The following JAKMIP1 variants were observed in gnomAD, a reference collection of about 807,000 sequenced individuals.
The protein encoded by JAKMIP1 is janus kinase and microtubule-interacting protein 1.
Under a neutral mutation model 113.0 loss-of-function variants are expected in JAKMIP1, and 33 were observed. The observed-to-expected ratio is 0.29, with a 90% CI of 0.22 to 0.39. The LOEUF is 0.39. Ranked by LOEUF, JAKMIP1 falls within the 10% of genes least tolerant of loss-of-function variation. The pLI is 1.00. For missense variants in JAKMIP1, 813 were observed against 1,080.5 expected (o/e 0.75, Z 3.47); for synonymous variants, 480 against 459.9 (o/e 1.04, Z -0.56).
intron 3 of JAKMIP1, among the ~76,000 whole-genome samples, chr4:6,102,785 G>C (rs1713276426): frequency 7.8e-6 from 1 of 128,670 alleles, no homozygotes; most frequent in South Asian, 2.6e-4. Context: ...CCAGGCTGGA[G>C]TGCAGTGGCG....
chr4:6,121,958 T>C (rs7659295), intron 1 of JAKMIP1, among the ~76,000 whole-genome samples: 81,967 of 152,104 alleles, frequency 0.54, 22,450 homozygotes, highest in Middle Eastern at 0.59. Flanking sequence ...ACAGTGTATA[T>C]GTACATATAA....
intron 13 of JAKMIP1, chr4:6,053,830 C>T: frequency 8.0e-6 from 11 of 1,369,166 alleles, no homozygotes; most frequent in Non-Finnish European, 1.0e-5. Flanking sequence ...GGTACATGTC[C>T]ATAGACTTGG....
At chr4:6,152,838 G>A (rs1382904832) in intron 1 of JAKMIP1, among the ~76,000 whole-genome samples, 1 of 140,292 alleles carries the variant, frequency 7.1e-6, no homozygotes, top group African/African-American at 2.6e-5. Context: ...GGGCATGGTG[G>A]TGGGCTCCTA....
rs543771789 is a variant in JAKMIP1, at chr4:6,042,692, G to A, written c.2029-465C>T. Among the ~76,000 whole-genome samples the A allele has an allele frequency of 2.0e-5, 3 of 152,030 alleles. No homozygotes were observed. Among genetic ancestry groups the A allele is most frequent in the East Asian group, 1.9e-4 (1 of 5,152 alleles). On this transcript the variant is annotated intron_variant, in intron 16 of 20. Coordinates refer to ENST00000409021, the MANE Select transcript of JAKMIP1 (RefSeq NM_001099433.2). This position sits in a 1 kb window ranked among gnomAD's most constrained non-coding sequence, Gnocchi z 5.2. Reference sequence around the variant, plus strand: ...TTAAGTAACTTGTCCAAGGTCACACGGGTGCAGAATGGAGATTTGGAACCC... The same window carrying A: ...TTAAGTAACTTGTCCAAGGTCACACAGGTGCAGAATGGAGATTTGGAACCC...
chr4:6,048,221 C>A (rs192623171), intron 16 of JAKMIP1, among the ~76,000 whole-genome samples: 70 of 152,328 alleles, frequency 4.6e-4, no homozygotes, highest in Non-Finnish European at 8.4e-4. Flanking sequence ...ACGTGTAAGG[C>A]TGCAGGTAGG....
chr4:6,085,134 C>T (rs1024250494), intron 4 of JAKMIP1, among the ~76,000 whole-genome samples, 169 bp from the exon 5 acceptor site: 4 of 152,232 alleles, frequency 2.6e-5, no homozygotes, highest in African/African-American at 4.8e-5. Flanking sequence ...TGCACACCTG[C>T]GGAAGACTCC....
Position 6,178,987 on chromosome 4 carries a change from G to C in JAKMIP1, c.-148+21266C>G, listed in dbSNP as rs77207948. On this transcript the variant is annotated intron_variant, in intron 1 of 20. Transcript: ENST00000409021. The surrounding 1 kb of genome is among the most constrained non-coding windows in gnomAD (Gnocchi z 5.5). ...GTTTCTCTGGAATGTCTTCAGAATG[G>C]ATTGCCACATCCAAAAAGATCAGGT... Among the ~76,000 whole-genome samples the C allele has an allele frequency of 0.042, 6,400 of 152,312 alleles. 302 individuals are homozygous for C. Among genetic ancestry groups the C allele is most frequent in the African/African-American group, 0.11 (4,751 of 41,554 alleles).
intron 13 of JAKMIP1, among the ~76,000 whole-genome samples, chr4:6,052,032 C>A (rs768144006): frequency 1.6e-4 from 24 of 151,952 alleles, no homozygotes; most frequent in Non-Finnish European, 3.2e-4. Context: ...AGAGATGTAG[C>A]CAAGAGAGGC....
chr4:6,048,212 C>G (rs1429348537), intron 16 of JAKMIP1, among the ~76,000 whole-genome samples: 1 of 152,198 alleles, frequency 6.6e-6, no homozygotes, highest in South Asian at 2.1e-4. Context: ...AAATCAACAA[C>G]GTGTAAGGCT....
intron 1 of JAKMIP1, among the ~76,000 whole-genome samples, chr4:6,165,902 A>C (rs1035503382): frequency 6.6e-6 from 1 of 152,140 alleles, no homozygotes; most frequent in African/African-American, 2.4e-5. Flanking sequence ...TGAAAGGGTC[A>C]GCACCTCCTC....
rs1725388727 is a variant in JAKMIP1, at chr4:6,176,787, T to A, written c.-148+23466A>T. Among the ~76,000 whole-genome samples the A allele has an allele frequency of 6.6e-6, 1 of 152,168 alleles. No homozygotes were observed. The highest frequency in any genetic ancestry group is 1.5e-5 in the Non-Finnish European group (1 of 68,030). On this transcript the variant is annotated intron_variant, in intron 1 of 20. Coordinates refer to ENST00000409021, the MANE Select transcript of JAKMIP1 (RefSeq NM_001099433.2). The surrounding 1 kb of genome is among the most constrained non-coding windows in gnomAD (Gnocchi z 5.5). The stretch of plus-strand genomic sequence containing the variant: ...TGGCTCACACCTGTAATCCTAGCAC[T>A]TTTTGGGGGCCGAGGCAGGCGGATC...
rs1296444699 is a variant in JAKMIP1 at position 6,188,401 on chromosome 4, G to T, written c.-148+11852C>A. On this transcript the variant is annotated intron_variant, in intron 1 of 20. Coordinates refer to ENST00000409021, the MANE Select transcript of JAKMIP1 (RefSeq NM_001099433.2). This position sits in a 1 kb window ranked among gnomAD's most constrained non-coding sequence, Gnocchi z 5.8. ...CACTGTTCTCACAGACACCTGCACA[G>T]GAGGTTCTGATAAGGAGAGGTCCTT... Among the ~76,000 whole-genome samples the T allele has an allele frequency of 1.3e-5, 2 of 152,224 alleles. No individual in the cohort carries two copies. Among genetic ancestry groups the T allele is most frequent in the African/African-American group, 4.8e-5 (2 of 41,452 alleles).
At chr4:6,055,098 G>C (rs1231887732) in intron 12 of JAKMIP1, among the ~76,000 whole-genome samples, 1 of 152,164 alleles carries the variant, frequency 6.6e-6, no homozygotes, top group Non-Finnish European at 1.5e-5. Flanking sequence ...ATTGGGGGCT[G>C]GGCCAAGGAC....
chr4:6,131,601 G>A (rs919592828), intron 1 of JAKMIP1, among the ~76,000 whole-genome samples: 27 of 152,080 alleles, frequency 1.8e-4, no homozygotes, highest in African/African-American at 5.8e-4. Flanking sequence ...ATGGTGGTGC[G>A]TGCCTGTAAT....
At position 6,031,636 on chromosome 4, in the gene JAKMIP1, G is replaced by A. The variant is rs1441147775; in HGVS notation, c.2380-1855C>T. ...CCCATGTCCCGATGAGGTGCTCACA[G>A]CTTTGGGGTTGCCATGGGGAGCCAG... On this transcript the variant is annotated intron_variant, in intron 19 of 20. Coordinates refer to ENST00000409021, the MANE Select transcript of JAKMIP1 (RefSeq NM_001099433.2). This position sits in a 1 kb window ranked among gnomAD's most constrained non-coding sequence, Gnocchi z 4.4. 6.6e-6 allele frequency among the ~76,000 whole-genome samples: 1 copy of A among 152,208 alleles called. No homozygotes were observed. Among genetic ancestry groups the A allele is most frequent in the Non-Finnish European group, 1.5e-5 (1 of 68,036 alleles).
chr4:6,191,363 G>T (rs553081757), intron 1 of JAKMIP1, among the ~76,000 whole-genome samples: 1 of 152,166 alleles, frequency 6.6e-6, no homozygotes, highest in Non-Finnish European at 1.5e-5. Flanking sequence ...AACTCATCAC[G>T]GGCCTTAGTG....
intron 20 of JAKMIP1, among the ~76,000 whole-genome samples, chr4:6,027,070 A>AT (rs544225680): frequency 0.02 from 2,993 of 151,578 alleles, 41 homozygotes; most frequent in Non-Finnish European, 0.033. Context: ...CTACTTATAC[A>AT]GAGAAAAAAA....
intron 1 of JAKMIP1, among the ~76,000 whole-genome samples, chr4:6,119,189 C>G (rs1451600259): frequency 6.6e-6 from 1 of 152,082 alleles, no homozygotes; most frequent in African/African-American, 2.4e-5. Flanking sequence ...GTTTACCACC[C>G]AGTTTGTGGT....
Position 6,176,948 on chromosome 4 carries a change from G to T in JAKMIP1, c.-148+23305C>A, listed in dbSNP as rs1427863196. 2.0e-5 allele frequency among the ~76,000 whole-genome samples: 3 copies of T among 152,170 alleles called. No individual in the cohort carries two copies. The highest frequency in any genetic ancestry group is 2.9e-5 in the Non-Finnish European group (2 of 68,038). ...CTGGGGAGGCTGAGGTGGGAGGATCGCTTGCATCGGGGAGGTTGAGGCTGC... is the reference window on the plus strand; with the variant it reads ...CTGGGGAGGCTGAGGTGGGAGGATCTCTTGCATCGGGGAGGTTGAGGCTGC... On this transcript the variant is annotated intron_variant, in intron 1 of 20. Coordinates refer to ENST00000409021, the MANE Select transcript of JAKMIP1 (RefSeq NM_001099433.2). The surrounding 1 kb of genome is among the most constrained non-coding windows in gnomAD (Gnocchi z 5.5).
Sources: gnomAD v4.1 joint callset for allele counts (sites outside exome capture counted in the v4.1 genomes callset) on GRCh38, gnomAD v4.1.1 for gene constraint, Gnocchi (gnomAD v3.1) non-coding constraint, MANE v1.5 for transcripts, NCBI Gene and HGNC (gene_info 2026-07-23, HGNC 2026-07-21) for gene names.